The following PPAT variants were observed in gnomAD, a reference collection of about 807,000 sequenced individuals.
PPAT encodes the protein phosphoribosyl pyrophosphate amidotransferase.
A neutral mutation model predicts 60.2 loss-of-function variants in PPAT; 20 were observed. That is an observed-to-expected ratio of 0.33 (90% CI 0.23 to 0.48). PPAT has a LOEUF of 0.48. PPAT is among the 20% of genes least tolerant of loss of function. The pLI is 0.99. For synonymous variants in PPAT, 194 were observed against 215.1 expected, an observed-to-expected ratio of 0.90 and a Z score of 0.86; for missense variants, 349 against 629.6, an observed-to-expected ratio of 0.55 and a Z score of 4.77.
intron 1 of PPAT, among the ~76,000 whole-genome samples, chr4:56,408,634 G>A (rs1716312607): frequency 6.6e-6 from 1 of 150,474 alleles, no homozygotes; most frequent in South Asian, 2.1e-4. Context: ...GGCGCCTGTC[G>A]TCCCAGCTAC....
chr4:56,404,444 G>T (rs905532832), intron 3 of PPAT, among the ~76,000 whole-genome samples: 3 of 152,186 alleles, frequency 2.0e-5, no homozygotes, highest in Non-Finnish European at 4.4e-5. Context: ...TCGCTTGAGT[G>T]TACTCTATGA....
chr4:56,402,353 ATCT>A (rs1405176663), intron 5 of PPAT, among the ~76,000 whole-genome samples, 172 bp from the exon 6 acceptor site: 4 of 152,196 alleles, frequency 2.6e-5, no homozygotes, highest in Non-Finnish European at 5.9e-5. Context: ...AAAATAAATG[ATCT>A]TCTAAGATTC....
intron 1 of PPAT, chr4:56,421,440 G>C (rs1419436703): frequency 1.3e-5 from 2 of 152,412 alleles, no homozygotes; most frequent in Non-Finnish European, 2.9e-5. Flanking sequence ...CTGGTCCATG[G>C]AAAAATTGTC....
rs1235122605 is a variant in PPAT at position 56,400,802 on chromosome 4, A to T, written c.996T>A (p.Ala332=). 1.9e-6 allele frequency: 3 copies of T among 1,613,336 alleles called. No individual in the cohort carries two copies. The highest frequency in any genetic ancestry group is 1.7e-6 in the Non-Finnish European group (2 of 1,179,680). ...STVPESATPA[A]LAYAGKCGLP... ...AAAATACCTTTCCTGCGTAAGCAAG[A>T]GCAGCAGGCGTAGCAGATTCTGGAA... Residue 332 remains alanine, a synonymous_variant, in exon 8 of 11, where the codon GCT becomes GCA. Coordinates refer to ENST00000264220, the MANE Select transcript of PPAT (RefSeq NM_002703.5).
chr4:56,415,655 CA>C (rs1007978642), intron 1 of PPAT, among the ~76,000 whole-genome samples: 25 of 151,832 alleles, frequency 1.6e-4, no homozygotes, highest in Admixed American at 5.9e-4. Flanking sequence ...TCATACATGC[CA>C]AAAAAACAGC....
At chr4:56,429,216 GAAGAAGA>G (rs2110067164) in intron 1 of PPAT, among the ~76,000 whole-genome samples, 1 of 152,226 alleles carries the variant, frequency 6.6e-6, no homozygotes, top group East Asian at 1.9e-4. Flanking sequence ...TATTTTAAAA[GAAGAAGA>G]AAGAAAAAAG....
chr4:56,403,388 C>A lies in PPAT; in HGVS notation c.416G>T (p.Gly139Val). The A allele has an allele frequency of 6.2e-7, 1 of 1,612,452 alleles. No individual in the cohort carries two copies. The highest frequency in any genetic ancestry group is 1.3e-5 in the African/African-American group (1 of 74,884). ...ATCAGAACTTGTAGACAGACCAATA[C>A]CATGACGCAGAAGCTATATAGAAAA... ...ARLRKKLLRH[G>V]IGLSTSSDSE... The change falls in exon 4 of 11, where the codon GGT (glycine) becomes GTT (valine). Residue 139 changes from glycine to valine, a missense_variant. Physicochemically the swap from Gly to Val is moderately radical, Grantham distance 109. Transcript: ENST00000264220.
At chr4:56,415,482 A>G (rs2110050355) in intron 1 of PPAT, among the ~76,000 whole-genome samples, 1 of 152,342 alleles carries the variant, frequency 6.6e-6, no homozygotes, top group Non-Finnish European at 1.5e-5. Context: ...CATCCAAACC[A>G]TAAAACAAGG....
intron 9 of PPAT, among the ~76,000 whole-genome samples, chr4:56,397,757 T>G (rs1022634839): frequency 6.6e-6 from 1 of 152,070 alleles, no homozygotes; most frequent in Non-Finnish European, 1.5e-5. Context: ...AGACATAAAG[T>G]GAGGCCGGGT....
intron 1 of PPAT, chr4:56,410,396 T>C (rs1175259606): frequency 3.0e-5 from 10 of 332,652 alleles, no homozygotes; most frequent in Non-Finnish European, 4.3e-5. Flanking sequence ...CTCAGGCAGC[T>C]TGAACCAGTT....
At position 56,435,610 on chromosome 4, in the gene PPAT, G is replaced by C. The variant is rs758097056; in HGVS notation, c.-133C>G. ...CTCTTCCTTCCCGAGGGTGGCCCCA[G>C]CTACTGCGGCGGCGCGCGCTGTCCC... is the stretch of plus-strand genomic sequence containing the variant. On this transcript the variant is annotated 5_prime_UTR_variant, in exon 1 of 11. Coordinates refer to ENST00000264220, the MANE Select transcript of PPAT (RefSeq NM_002703.5). 3.7e-5 allele frequency: 55 copies of C among 1,505,648 alleles called. No individual in the cohort carries two copies. Among genetic ancestry groups the C allele is most frequent in the East Asian group, 9.4e-5 (4 of 42,676 alleles). 93.3% of individuals were successfully genotyped at this position (1,505,648 alleles called of 1,614,324 possible).
intron 5 of PPAT, among the ~76,000 whole-genome samples, chr4:56,402,562 A>G (rs1421176375): frequency 6.6e-6 from 1 of 152,190 alleles, no homozygotes; most frequent in Non-Finnish European, 1.5e-5. Flanking sequence ...CACGCCTGTA[A>G]TCCCAGCACT....
chr4:56,435,378 T>C lies in PPAT; in HGVS notation c.100A>G (p.Thr34Ala). The C allele has an allele frequency of 6.2e-7, 1 of 1,612,222 alleles. No homozygotes were observed. Among genetic ancestry groups the C allele is most frequent in the Non-Finnish European group, 8.5e-7 (1 of 1,179,528 alleles). The change falls in exon 1 of 11, where the codon ACT becomes GCT. Residue 34 changes from threonine to alanine, a missense_variant. Transcript: ENST00000264220. ...TGCTGCAGCCCCACGAGTCCCAGAG[T>C]GATCACATGCGGTACATCCAGCTGC... is the stretch of plus-strand genomic sequence containing the variant. ...PTQLDVPHVI[T>A]LGLVGLQHRG...
At chr4:56,402,886 T>C (rs1214275489) in intron 5 of PPAT, among the ~76,000 whole-genome samples, 154 bp downstream of exon 5, 1 of 146,928 alleles carries the variant, frequency 6.8e-6, no homozygotes, top group African/African-American at 2.5e-5. Flanking sequence ...CAAAGAAACG[T>C]ACTTTAAAAA....
intron 3 of PPAT, among the ~76,000 whole-genome samples, chr4:56,404,436 G>A (rs913050659): frequency 1.3e-5 from 2 of 152,100 alleles, no homozygotes; most frequent in South Asian, 2.1e-4. Context: ...AATAAATATC[G>A]CTTGAGTGTA....
intron 1 of PPAT, among the ~76,000 whole-genome samples, chr4:56,412,000 C>T (rs1430961470): frequency 2.0e-5 from 3 of 152,124 alleles, no homozygotes; most frequent in Non-Finnish European, 2.9e-5. Context: ...AAACAGCAAT[C>T]GCATTATTTT....
chr4:56,426,049 CCA>C (rs1717267209), intron 1 of PPAT, among the ~76,000 whole-genome samples: 1 of 152,126 alleles, frequency 6.6e-6, no homozygotes, highest in Admixed American at 6.5e-5. Flanking sequence ...TTTAGTATAT[CCA>C]CAGTTATACA....
rs1383711190 is a variant in PPAT at position 56,394,294 on chromosome 4, A to T, written c.*1058T>A. On this transcript the variant is annotated 3_prime_UTR_variant, in exon 11 of 11. Coordinates refer to ENST00000264220, the MANE Select transcript of PPAT (RefSeq NM_002703.5). The stretch of plus-strand genomic sequence containing the variant: ...CAAAGTGGTTGTCTCTTTGATCCTT[A>T]AACAAAACTGGCCCCTATTGTGTCT... The T allele has an allele frequency of 4.6e-5, 7 of 152,312 alleles. No individual in the cohort carries two copies. The highest frequency in any genetic ancestry group is 1.7e-4 in the African/African-American group (7 of 41,580). 9.4% of individuals were successfully genotyped at this position (152,312 alleles called of 1,614,324 possible).
intron 3 of PPAT, among the ~76,000 whole-genome samples, chr4:56,405,945 G>GTGGGACTGAGCCCTTAACTTC (rs919785783): frequency 6.6e-6 from 1 of 152,190 alleles, no homozygotes. Context: ...GGACAATCTT[G>GTGGGACTGAGCCCTTAACTTC]TGGGACTGAG....
Sources: gnomAD v4.1 joint callset for allele counts (sites outside exome capture counted in the v4.1 genomes callset) on GRCh38, gnomAD v4.1.1 for gene constraint, MANE v1.5 for transcripts, NCBI Gene and HGNC (gene_info 2026-07-23, HGNC 2026-07-21) for gene names.